CACNA1C: variants seen among roughly 807,000 people sequenced by gnomAD.
The protein encoded by CACNA1C is voltage-dependent L-type calcium channel subunit alpha-1C.
A neutral mutation model predicts 229.0 loss-of-function variants in CACNA1C; 30 were observed. The observed-to-expected ratio is 0.13, with a 90% CI of 0.10 to 0.18. The LOEUF (loss-of-function observed/expected upper bound fraction) is 0.18, where lower values mean the gene tolerates loss of function less well. CACNA1C is among the 10% of genes least tolerant of loss of function. CACNA1C has a pLI of 1.00. For synonymous variants in CACNA1C, 1,114 were observed against 1,132.5 expected (o/e 0.98, Z 0.33); for missense variants, 1,658 against 2,845.0 (o/e 0.58, Z 9.49).
rs2154593340 is a variant in CACNA1C, at chr12:2,566,560, C to T, written c.1647C>T (p.Pro549=). The T allele has an allele frequency of 6.3e-7, 1 of 1,598,738 alleles. No homozygotes were observed. The highest frequency in any genetic ancestry group is 8.5e-7 in the Non-Finnish European group (1 of 1,172,946). ...TTGCCTCTGAGCACTACAACCAGCC[C>T]AACTGGCTCACAGAAGTCCAAGGTG... ...LTIASEHYNQ[P]NWLTEVQDTA... The change falls in exon 12 of 47, where the codon CCC becomes CCT. Residue 549 remains proline, a synonymous_variant. Transcript: ENST00000399655. The surrounding 1 kb of genome is among the most constrained non-coding windows in gnomAD (Gnocchi z 4.0).
chr12:2,358,704 G>T (rs534862860), intron 3 of CACNA1C, among the ~76,000 whole-genome samples: 1 of 152,188 alleles, frequency 6.6e-6, no homozygotes, highest in Admixed American at 6.5e-5. Flanking sequence ...GCAGTTTGTG[G>T]GTGAGAGAAC....
chr12:2,424,000 C>T (rs1165927096), intron 3 of CACNA1C, among the ~76,000 whole-genome samples: 1 of 152,136 alleles, frequency 6.6e-6, no homozygotes, highest in Non-Finnish European at 1.5e-5. Context: ...CCCTCCCCTC[C>T]TCTTGGGAGA....
At chr12:2,432,491 T>G (rs1323520501) in intron 3 of CACNA1C, among the ~76,000 whole-genome samples, 3 of 152,152 alleles carry the variant, frequency 2.0e-5, no homozygotes, top group Non-Finnish European at 1.5e-5. Flanking sequence ...GGGTTCAGCT[T>G]CTTTTTCTCT....
intron 13 of CACNA1C, among the ~76,000 whole-genome samples, chr12:2,571,030 T>C (rs1017336524): frequency 6.6e-6 from 1 of 152,232 alleles, no homozygotes; most frequent in African/African-American, 2.4e-5. Flanking sequence ...GTGCTTACTC[T>C]GTGCCAGATA....
chr12:2,287,958 C>T lies in CACNA1C; in HGVS notation c.478-161018C>T, dbSNP rs1269594737. On this transcript the variant is annotated intron_variant, in intron 3 of 46. Coordinates refer to ENST00000399655, the MANE Select transcript of CACNA1C (RefSeq NM_000719.7). The surrounding 1 kb of genome is among the most constrained non-coding windows in gnomAD (Gnocchi z 4.6). ...TTTAACATATAGCTCTGGCTGAAAACGATTTCTGATCATTGATTTTTTTTT... is the reference window on the plus strand; with the variant it reads ...TTTAACATATAGCTCTGGCTGAAAATGATTTCTGATCATTGATTTTTTTTT... 2 of 151,172 alleles carry T rather than the reference C, an allele frequency of 1.3e-5. No homozygotes were observed. The highest frequency in any genetic ancestry group is 2.4e-5 in the African/African-American group (1 of 41,332). The allele number at this position is 151,172 out of a possible 1,614,324, so 9.4% of individuals were successfully genotyped here. A position where few individuals can be genotyped will look rare whatever the true frequency, so the allele number is the denominator to read the frequency against.
chr12:2,113,112 C>T (rs2082394794), intron 1 of CACNA1C, among the ~76,000 whole-genome samples: 1 of 152,208 alleles, frequency 6.6e-6, no homozygotes, highest in Non-Finnish European at 1.5e-5. Flanking sequence ...TAATGGAGGT[C>T]AGCCCCAAGA....
chr12:2,497,235 G>A (rs561293157), intron 7 of CACNA1C, among the ~76,000 whole-genome samples: 18 of 152,254 alleles, frequency 1.2e-4, no homozygotes, highest in Non-Finnish European at 2.1e-4. Flanking sequence ...TTGAAACTCT[G>A]AGCATGACCT....
At chr12:2,004,093 A>G in intron 1 of CACNA1C, 3 of 773,472 alleles carry the variant, frequency 3.9e-6, no homozygotes, top group Non-Finnish European at 6.1e-6. Context: ...AGGTAGCTCC[A>G]CAGATCCGCC....
intron 34 of CACNA1C, 111 bp downstream of exon 34, chr12:2,655,349 A>G: frequency 3.0e-6 from 2 of 660,506 alleles, no homozygotes; most frequent in Non-Finnish European, 5.2e-6. Flanking sequence ...AGGAAGGGAG[A>G]GGATGTGTTG....
At chr12:2,325,957 T>C (rs528118658) in intron 3 of CACNA1C, among the ~76,000 whole-genome samples, 1 of 152,304 alleles carries the variant, frequency 6.6e-6, no homozygotes, top group South Asian at 2.1e-4. Context: ...GGGCCCTTCA[T>C]TCCACTCACG....
At chr12:2,153,573 T>C (rs2095404301) in intron 3 of CACNA1C, among the ~76,000 whole-genome samples, 1 of 152,148 alleles carries the variant, frequency 6.6e-6, no homozygotes, top group Non-Finnish European at 1.5e-5. Flanking sequence ...AGAGTATTTG[T>C]CCTTTTGTGA....
intron 3 of CACNA1C, among the ~76,000 whole-genome samples, chr12:2,184,598 C>T (rs778870507): frequency 3.3e-5 from 5 of 152,188 alleles, no homozygotes; most frequent in Non-Finnish European, 5.9e-5. Flanking sequence ...AAGTATCTTT[C>T]TACATAGTTT....
At chr12:2,465,003 A>G (rs1018130686) in intron 5 of CACNA1C, among the ~76,000 whole-genome samples, 1 of 152,236 alleles carries the variant, frequency 6.6e-6, no homozygotes, top group African/African-American at 2.4e-5. Flanking sequence ...CTGTACCCTT[A>G]GGGAAGTTGC....
chr12:2,329,383 C>A (rs1401783352), intron 3 of CACNA1C, among the ~76,000 whole-genome samples: 1 of 152,176 alleles, frequency 6.6e-6, no homozygotes, highest in African/African-American at 2.4e-5. Context: ...AGCTGTTTGC[C>A]CTACTCAAGC....
intron 3 of CACNA1C, among the ~76,000 whole-genome samples, chr12:2,172,383 C>T (rs1445299182): frequency 6.6e-6 from 1 of 152,222 alleles, no homozygotes; most frequent in Non-Finnish European, 1.5e-5. Flanking sequence ...TCTTGGTCCT[C>T]TAATTAAGTA....
intron 11 of CACNA1C, among the ~76,000 whole-genome samples, chr12:2,558,346 A>T (rs1405830708): frequency 7.1e-6 from 1 of 140,680 alleles, no homozygotes; most frequent in African/African-American, 2.7e-5. Context: ...CCACTGCTGG[A>T]GTCCATGCCC....
At chr12:2,640,844 A>G (rs981264117) in intron 30 of CACNA1C, among the ~76,000 whole-genome samples, 1 of 152,214 alleles carries the variant, frequency 6.6e-6, no homozygotes, top group Non-Finnish European at 1.5e-5. Context: ...AGGATGGAGG[A>G]AAAGCAGTCA....
chr12:2,308,256 A>T (rs7953898), intron 3 of CACNA1C, among the ~76,000 whole-genome samples: 6,286 of 152,020 alleles, frequency 0.041, 438 homozygotes, highest in African/African-American at 0.14. Flanking sequence ...TCTTTTTAAA[A>T]TTTTTTTTGT....
At chr12:2,448,890 C>T in intron 3 of CACNA1C, 86 bp from the exon 4 acceptor site, 1 of 1,163,756 alleles carries the variant, frequency 8.6e-7, no homozygotes, top group Admixed American at 2.3e-5. Flanking sequence ...TATCTTCCAC[C>T]TACTTGTGAG....
Sources: gnomAD v4.1 joint callset for allele counts (sites outside exome capture counted in the v4.1 genomes callset) on GRCh38, gnomAD v4.1.1 for gene constraint, Gnocchi (gnomAD v3.1) non-coding constraint, MANE v1.5 for transcripts, NCBI Gene and HGNC (gene_info 2026-07-23, HGNC 2026-07-21) for gene names.